ROBO2: variants seen among roughly 807,000 people sequenced by gnomAD.
ROBO2 encodes the protein roundabout homolog 2.
In ROBO2, 53 loss-of-function variants were observed where a neutral mutation model predicts 160.8. The ratio of observed to expected loss-of-function variants is 0.33; its 90% confidence interval spans 0.26 to 0.41. The LOEUF is 0.41. Among genes scored for constraint, ROBO2 ranks in the 10% least tolerant of loss-of-function variants. The pLI is 1.00. For missense variants in ROBO2, 1,577 were observed against 1,722.4 expected (o/e 0.92, Z 1.49); for synonymous variants, 664 against 611.7 (o/e 1.09, Z -1.26).
At chr3:77,153,772 G>C (rs1484122994) in intron 2 of ROBO2, among the ~76,000 whole-genome samples, 2 of 151,928 alleles carry the variant, frequency 1.3e-5, no homozygotes, top group Non-Finnish European at 2.9e-5. Context: ...ATTCTGTCTT[G>C]GATGAAACTT....
intron 2 of ROBO2, among the ~76,000 whole-genome samples, chr3:77,402,703 C>T (rs913740963): frequency 6.6e-6 from 1 of 151,972 alleles, no homozygotes; most frequent in African/African-American, 2.4e-5. Context: ...CACACGCTCC[C>T]CTCCCAAGTG....
chr3:77,596,021 C>T (rs947793337), intron 18 of ROBO2, among the ~76,000 whole-genome samples: 1 of 152,094 alleles, frequency 6.6e-6, no homozygotes, highest in Non-Finnish European at 1.5e-5. Flanking sequence ...ACTATACTCA[C>T]ATGCTGGATC....
intron 21 of ROBO2, among the ~76,000 whole-genome samples, chr3:77,609,185 A>G (rs1268701037): frequency 3.9e-5 from 6 of 152,110 alleles, no homozygotes; most frequent in African/African-American, 1.4e-4. Flanking sequence ...AGCACTTATT[A>G]TATATGCATA....
chr3:76,095,749 GACACACACACACACACACAC>G (rs59290141), intron 2 of ROBO2, among the ~76,000 whole-genome samples: 144 of 148,046 alleles, frequency 9.7e-4, no homozygotes, highest in African/African-American at 9.1e-4. Context: ...TAGTATGCTT[GACACACACACACACACACAC>G]ACACACACAC....
At chr3:77,015,965 AT>A (rs560481757) in intron 2 of ROBO2, among the ~76,000 whole-genome samples, 83 of 151,568 alleles carry the variant, frequency 5.5e-4, no homozygotes, top group African/African-American at 1.9e-3. Flanking sequence ...CTAATATGTT[AT>A]TTTTTTTATT....
chr3:77,266,642 A>T (rs2059142974), intron 2 of ROBO2, among the ~76,000 whole-genome samples: 2 of 152,086 alleles, frequency 1.3e-5, no homozygotes, highest in African/African-American at 2.4e-5. Context: ...GACCAGGAAG[A>T]CTTCTGTATA....
exon 7 of ROBO2, chr3:77,546,429 G>A (rs528932153): frequency 1.2e-6 from 2 of 1,613,320 alleles, no homozygotes; most frequent in Admixed American, 1.7e-5. Flanking sequence ...GAAACCCACA[G>A]CCAGCTGTTT....
intron 2 of ROBO2, among the ~76,000 whole-genome samples, chr3:77,144,143 A>G (rs2076940555): frequency 1.3e-5 from 2 of 152,152 alleles, no homozygotes; most frequent in Admixed American, 1.3e-4. Flanking sequence ...ACTTACAGTA[A>G]TGTTTATTTC....
At chr3:76,038,495 C>T (rs527582824) in intron 2 of ROBO2, among the ~76,000 whole-genome samples, 1 of 152,042 alleles carries the variant, frequency 6.6e-6, no homozygotes, top group Non-Finnish European at 1.5e-5. Context: ...CTACCTGCAA[C>T]CCATGACTGA....
chr3:76,541,727 G>A (rs2082830905), intron 2 of ROBO2, among the ~76,000 whole-genome samples: 2 of 152,158 alleles, frequency 1.3e-5, no homozygotes, highest in African/African-American at 4.8e-5. Flanking sequence ...GTATTAAGAG[G>A]CTGACATTGT....
intron 2 of ROBO2, among the ~76,000 whole-genome samples, chr3:76,424,648 A>G (rs1265089659): frequency 6.6e-6 from 1 of 152,192 alleles, no homozygotes; most frequent in African/African-American, 2.4e-5. Flanking sequence ...TAGATCGTAT[A>G]TTAAGTGCTT....
intron 2 of ROBO2, among the ~76,000 whole-genome samples, chr3:75,992,677 G>A (rs1477082704): frequency 6.6e-6 from 1 of 152,160 alleles, no homozygotes; most frequent in Admixed American, 6.5e-5. Context: ...AACTCAGAAT[G>A]GTAGATCCAC....
intron 2 of ROBO2, among the ~76,000 whole-genome samples, chr3:76,927,666 C>T (rs1394617211): frequency 1.3e-5 from 2 of 151,990 alleles, no homozygotes; most frequent in Admixed American, 1.3e-4. Flanking sequence ...TAAATATATG[C>T]TTTTTCAAAA....
At chr3:77,602,869 C>A in intron 20 of ROBO2, 1 of 464,178 alleles carries the variant, frequency 2.2e-6, no homozygotes, top group Non-Finnish European at 4.3e-6. Context: ...ACTGCATGTT[C>A]TGCATGGGCT....
chr3:76,064,374 A>G (rs568920144), intron 2 of ROBO2, among the ~76,000 whole-genome samples: 1 of 152,120 alleles, frequency 6.6e-6, no homozygotes, highest in Non-Finnish European at 1.5e-5. Flanking sequence ...GGCCTCTCCC[A>G]TTATAGATGG....
chr3:76,269,527 T>C (rs10511042), intron 2 of ROBO2, among the ~76,000 whole-genome samples: 2,935 of 151,946 alleles, frequency 0.019, 178 homozygotes, highest in East Asian at 0.18. Context: ...ACCTACTTTT[T>C]GTCTCAGTTA....
At chr3:77,408,193 A>G (rs1179016338) in intron 2 of ROBO2, among the ~76,000 whole-genome samples, 1 of 152,122 alleles carries the variant, frequency 6.6e-6, no homozygotes, top group Non-Finnish European at 1.5e-5. Context: ...CACTAAATAG[A>G]TCTGGTAAGT....
chr3:76,683,484 G>A, intron 2 of ROBO2, among the ~76,000 whole-genome samples: 1 of 138,608 alleles, frequency 7.2e-6, no homozygotes. Flanking sequence ...AAAAAAACCT[G>A]GAAAACACAT....
At chr3:76,112,175 A>G (rs1400740962) in intron 2 of ROBO2, among the ~76,000 whole-genome samples, 1 of 151,986 alleles carries the variant, frequency 6.6e-6, no homozygotes, top group Non-Finnish European at 1.5e-5. Context: ...TCTTTTTTCC[A>G]GATATTTTCC....
Sources: gnomAD v4.1 joint callset for allele counts (sites outside exome capture counted in the v4.1 genomes callset) on GRCh38, gnomAD v4.1.1 for gene constraint, MANE v1.5 for transcripts, NCBI Gene and HGNC (gene_info 2026-07-23, HGNC 2026-07-21) for gene names.